PDE4D: variants seen among roughly 807,000 people sequenced by gnomAD.
PDE4D encodes phosphodiesterase 4D, also known as 3',5'-cyclic-AMP phosphodiesterase 4D.
In PDE4D, 24 loss-of-function variants were observed where a neutral mutation model predicts 87.4. The observed-to-expected ratio is 0.27, with a 90% confidence interval of 0.20 to 0.39. The LOEUF (loss-of-function observed/expected upper bound fraction) is 0.39. Ranked by LOEUF, PDE4D falls within the 10% of genes least tolerant of loss-of-function variation. PDE4D has a pLI of 1.00. For synonymous variants in PDE4D, 384 were observed against 383.2 expected (o/e 1.00, Z -0.02); for missense variants, 714 against 1,041.0 (o/e 0.69, Z 4.32).
At chr5:59,826,476 C>T (rs1223413473) in intron 1 of PDE4D, among the ~76,000 whole-genome samples, 4 of 151,670 alleles carry the variant, frequency 2.6e-5, no homozygotes, top group South Asian at 4.2e-4. Flanking sequence ...TCTGCAAAGT[C>T]GGAACTATCA....
intron 1 of PDE4D, among the ~76,000 whole-genome samples, chr5:59,815,594 G>C (rs1287140811): frequency 6.6e-6 from 1 of 152,202 alleles, no homozygotes; most frequent in Non-Finnish European, 1.5e-5. Context: ...AAAAGAGTTA[G>C]AACAAATCCA....
At chr5:59,124,225 C>T (rs1404517973) in intron 5 of PDE4D, among the ~76,000 whole-genome samples, 12 of 152,108 alleles carry the variant, frequency 7.9e-5, no homozygotes, top group Non-Finnish European at 1.5e-4. Context: ...TTTGGCTCTG[C>T]AATTCAGGGG....
chr5:59,109,004 G>GT (rs1772151652), intron 5 of PDE4D, among the ~76,000 whole-genome samples: 1 of 122,292 alleles, frequency 8.2e-6, no homozygotes, highest in African/African-American at 3.1e-5. Flanking sequence ...TGTGTGTGTG[G>GT]TGTAGGCCTG....
At chr5:59,964,255 T>A (rs1175673438) in intron 3 of PDE4D, among the ~76,000 whole-genome samples, 2 of 152,220 alleles carry the variant, frequency 1.3e-5, no homozygotes, top group Admixed American at 1.3e-4. Flanking sequence ...GGTCTCATTA[T>A]GAGAATGAAA....
intron 2 of PDE4D, among the ~76,000 whole-genome samples, chr5:60,100,024 A>G (rs189649889): frequency 1.3e-3 from 195 of 152,176 alleles, no homozygotes; most frequent in African/African-American, 4.5e-3. Flanking sequence ...ATTTATTTAA[A>G]TAAACCATGA....
chr5:59,897,444 A>AT (rs34211732), upstream of PDE4D, among the ~76,000 whole-genome samples: 153 of 147,508 alleles, frequency 1.0e-3, no homozygotes, highest in Non-Finnish European at 1.6e-3. Flanking sequence ...TGGGAGGAGG[A>AT]TTTTTTTTTT....
intron 1 of PDE4D, among the ~76,000 whole-genome samples, chr5:60,383,321 G>T (rs1761988600): frequency 6.6e-6 from 1 of 152,166 alleles, no homozygotes; most frequent in African/African-American, 2.4e-5. Context: ...TATAGTAACT[G>T]ATTTATGTTT....
intron 1 of PDE4D, among the ~76,000 whole-genome samples, chr5:60,246,017 C>T (rs1372664570): frequency 8.9e-4 from 43 of 48,122 alleles, no homozygotes; most frequent in Non-Finnish European, 3.7e-5. Flanking sequence ...CATTGCATGC[C>T]TGTACCCCAT....
At chr5:59,985,008 C>T (rs1762274584) in intron 3 of PDE4D, among the ~76,000 whole-genome samples, 1 of 151,486 alleles carries the variant, frequency 6.6e-6, no homozygotes, top group Non-Finnish European at 1.5e-5. Context: ...GGGCTGGAGA[C>T]AACTCAGTTA....
At chr5:59,058,160 A>ACTTCCC (rs1762616755) in intron 5 of PDE4D, among the ~76,000 whole-genome samples, 1 of 152,184 alleles carries the variant, frequency 6.6e-6, no homozygotes, top group Non-Finnish European at 1.5e-5. Flanking sequence ...AGCATGAAAC[A>ACTTCCC]CTTCCCCTGT....
chr5:60,145,638 C>T (rs1329166393), intron 2 of PDE4D, among the ~76,000 whole-genome samples: 16 of 152,160 alleles, frequency 1.1e-4, no homozygotes, highest in African/African-American at 3.9e-4. Flanking sequence ...TCCTACCCTA[C>T]AAAGTACCTA....
chr5:59,486,140 T>C (rs1421950699), intron 1 of PDE4D, among the ~76,000 whole-genome samples: 3 of 152,254 alleles, frequency 2.0e-5, no homozygotes, highest in East Asian at 3.9e-4. Context: ...CTGCACTCTG[T>C]TAAAATTTAT....
chr5:59,176,693 A>C (rs1783943611), intron 5 of PDE4D, among the ~76,000 whole-genome samples: 1 of 152,220 alleles, frequency 6.6e-6, no homozygotes, highest in Admixed American at 6.5e-5. Flanking sequence ...TAGACTGCTG[A>C]AGTTCTTAAC....
chr5:60,037,234 C>T (rs983123815), intron 2 of PDE4D, among the ~76,000 whole-genome samples: 9 of 152,020 alleles, frequency 5.9e-5, no homozygotes, highest in African/African-American at 1.4e-4. Context: ...ACATGCAATA[C>T]AATATGTTAA....
At chr5:60,087,070 G>C (rs982573612) in intron 2 of PDE4D, among the ~76,000 whole-genome samples, 6 of 152,154 alleles carry the variant, frequency 3.9e-5, no homozygotes, top group African/African-American at 4.8e-5. Flanking sequence ...AAAACTGTAG[G>C]GCAGCAATAT....
At chr5:59,567,136 T>C (rs1017197726) in intron 1 of PDE4D, among the ~76,000 whole-genome samples, 2 of 152,224 alleles carry the variant, frequency 1.3e-5, no homozygotes, top group Non-Finnish European at 2.9e-5. Context: ...ATTGAAAGTA[T>C]GGCTCATTAC....
chr5:59,925,067 C>T (rs553956657), intron 3 of PDE4D, among the ~76,000 whole-genome samples: 30 of 150,032 alleles, frequency 2.0e-4, no homozygotes, highest in African/African-American at 6.6e-4. Context: ...CCCAGCTACT[C>T]AGGAGGCTGA....
intron 1 of PDE4D, among the ~76,000 whole-genome samples, chr5:60,368,343 T>G (rs371309607): frequency 2.6e-5 from 4 of 152,258 alleles, no homozygotes; most frequent in East Asian, 3.9e-4. Flanking sequence ...AATGGCTGAA[T>G]AGTAACATTC....
intron 5 of PDE4D, among the ~76,000 whole-genome samples, chr5:59,075,491 C>T (rs1186842368): frequency 1.4e-5 from 2 of 141,784 alleles, no homozygotes; most frequent in Non-Finnish European, 3.2e-5. Flanking sequence ...TTGGTATGCA[C>T]ATTTGTTGCA....
Sources: gnomAD v4.1 joint callset for allele counts (sites outside exome capture counted in the v4.1 genomes callset) on GRCh38, gnomAD v4.1.1 for gene constraint, MANE v1.5 for transcripts, NCBI Gene and HGNC (gene_info 2026-07-23, HGNC 2026-07-21) for gene names.